Variants in MAP2K1 observed in about 807,000 individuals in gnomAD.
The protein encoded by MAP2K1 is dual specificity mitogen-activated protein kinase kinase 1.
In MAP2K1, 16 loss-of-function variants were observed where a neutral mutation model predicts 46.3. The observed-to-expected ratio is 0.35, with a 90% CI of 0.23 to 0.52. The LOEUF (loss-of-function observed/expected upper bound fraction) is 0.52. Among genes scored for constraint, MAP2K1 ranks in the 20% least tolerant of loss-of-function variants. MAP2K1 has a pLI of 0.94. For synonymous variants in MAP2K1, 183 were observed against 185.6 expected (o/e 0.99, Z 0.11); for missense variants, 263 against 497.1 (o/e 0.53, Z 4.48).
At chr15:66,445,633 T>C (rs1449855612) in intron 5 of MAP2K1, among the ~76,000 whole-genome samples, 1 of 152,190 alleles carries the variant, frequency 6.6e-6, no homozygotes, top group Non-Finnish European at 1.5e-5. Context: ...AACAGAATAC[T>C]CTTCAACAAT....
chr15:66,490,250 C>T (rs1458040407), intron 10 of MAP2K1: 1 of 622,816 alleles, frequency 1.6e-6, no homozygotes, highest in African/African-American at 1.8e-5. Flanking sequence ...GCATTTAAGG[C>T]AGAGTTACTG....
intron 6 of MAP2K1, among the ~76,000 whole-genome samples, chr15:66,483,709 A>G (rs530048111): frequency 1.8e-4 from 27 of 150,368 alleles, no homozygotes; most frequent in East Asian, 9.8e-4. Flanking sequence ...ATATCAACCA[A>G]TATTTGTATT....
chr15:66,429,682 C>CA (rs2093470057), intron 1 of MAP2K1, among the ~76,000 whole-genome samples: 1 of 122,764 alleles, frequency 8.1e-6, no homozygotes, highest in Non-Finnish European at 1.8e-5. Flanking sequence ...CCCCCCCGTC[C>CA]CCCCCAACAC....
chr15:66,428,271 C>CGTGTGTGT lies in MAP2K1; in HGVS notation c.81-6709_81-6702dup, dbSNP rs67373670. 2.5e-3 allele frequency among the ~76,000 whole-genome samples: 306 copies of CGTGTGTGT among 122,366 alleles called. 3 individuals carry two copies. Among genetic ancestry groups the CGTGTGTGT allele is most frequent in the Non-Finnish European group, 3.3e-3 (193 of 59,062 alleles). 80.3% of individuals were successfully genotyped at this position (122,366 alleles called of 152,430 possible). A position where few individuals can be genotyped will look rare whatever the true frequency, so the allele number is the denominator to read the frequency against. ...AGAAACAGAACCAACAGCAGTTGTG[C>CGTGTGTGT]GTGTGTGTGTGTGTGTGTGTGTGTG... On this transcript the variant is annotated intron_variant, in intron 1 of 10. Coordinates refer to ENST00000307102, the MANE Select transcript of MAP2K1 (RefSeq NM_002755.4).
intron 5 of MAP2K1, chr15:66,453,562 G>T: frequency 4.3e-6 from 3 of 702,316 alleles, no homozygotes; most frequent in Non-Finnish European, 7.8e-6. Context: ...GTGATTCCTG[G>T]AAACCTGAGT....
chr15:66,446,219 A>AAAAC lies in MAP2K1; in HGVS notation c.568+1528_568+1531dup, dbSNP rs796892722. Among the ~76,000 whole-genome samples, 4 of 151,826 alleles carry AAAAC rather than the reference A, an allele frequency of 2.6e-5. No homozygotes were observed. In the East Asian group the frequency reaches 7.7e-4, roughly 29 times the overall value. ...TGGGTGACGAGCAAGACTCCGTCTCAAAACAAACAAACAAACAAAAAACAT... is the reference window on the plus strand; with the variant it reads ...TGGGTGACGAGCAAGACTCCGTCTCAAAACAAACAAACAAACAAACAAAAAACAT... On this transcript the variant is annotated intron_variant, in intron 5 of 10. Coordinates refer to ENST00000307102, the MANE Select transcript of MAP2K1 (RefSeq NM_002755.4).
intron 5 of MAP2K1, among the ~76,000 whole-genome samples, chr15:66,481,523 T>C (rs1005474025): frequency 6.6e-6 from 1 of 152,226 alleles, no homozygotes; most frequent in Non-Finnish European, 1.5e-5. Flanking sequence ...CGACTGTCTT[T>C]CTGTTCTACT....
At chr15:66,476,249 T>C (rs1203076547) in intron 5 of MAP2K1, among the ~76,000 whole-genome samples, 1 of 152,158 alleles carries the variant, frequency 6.6e-6, no homozygotes, top group South Asian at 2.1e-4. Context: ...AGCCAGCTGC[T>C]GGGGACCCTC....
At chr15:66,470,893 A>G (rs570879089) in intron 5 of MAP2K1, among the ~76,000 whole-genome samples, 1 of 152,284 alleles carries the variant, frequency 6.6e-6, no homozygotes, top group South Asian at 2.1e-4. Flanking sequence ...GGTTGGTTTT[A>G]TACATTTTAG....
At chr15:66,402,471 C>G (rs946222973) in intron 1 of MAP2K1, among the ~76,000 whole-genome samples, 2 of 152,116 alleles carry the variant, frequency 1.3e-5, no homozygotes, top group Admixed American at 6.5e-5. Flanking sequence ...CCCACTCTTA[C>G]GTAGTTTTGA....
At chr15:66,466,427 AC>A (rs1187129307) in intron 5 of MAP2K1, among the ~76,000 whole-genome samples, 1 of 151,720 alleles carries the variant, frequency 6.6e-6, no homozygotes, top group East Asian at 1.9e-4. Flanking sequence ...GCCTGTAATC[AC>A]AGCACTTTCG....
At chr15:66,429,454 A>G (rs910372900) in intron 1 of MAP2K1, among the ~76,000 whole-genome samples, 2 of 152,210 alleles carry the variant, frequency 1.3e-5, no homozygotes, top group Non-Finnish European at 2.9e-5. Flanking sequence ...GTGGGAACGC[A>G]GAGCCAAACC....
At chr15:66,440,429 A>G (rs1352232995) in intron 3 of MAP2K1, among the ~76,000 whole-genome samples, 1 of 152,202 alleles carries the variant, frequency 6.6e-6, no homozygotes, top group Non-Finnish European at 1.5e-5. Context: ...TGTCATCAGC[A>G]TTGGTTGAGC....
intron 6 of MAP2K1, among the ~76,000 whole-genome samples, chr15:66,484,439 C>T (rs568116684): frequency 2.0e-5 from 3 of 152,152 alleles, no homozygotes; most frequent in Non-Finnish European, 2.9e-5. Context: ...TGAGCCACTG[C>T]GTCCCGGCCC....
At position 66,457,318 on chromosome 15, in the gene MAP2K1, C is replaced by T. The variant is rs572376531; in HGVS notation, c.568+12611C>T. On this transcript the variant is annotated intron_variant, in intron 5 of 10. Transcript: ENST00000307102. ...TATTTCTAGTAGAGACGGGGTTTCC[C>T]TATGTTGCCCAGCCTGATCTCAAAC... Among the ~76,000 whole-genome samples the T allele has an allele frequency of 2.6e-5, 4 of 152,228 alleles. No homozygotes were observed. The South Asian group carries it at 8.3e-4, about 32-fold the overall frequency.
intron 1 of MAP2K1, among the ~76,000 whole-genome samples, chr15:66,425,750 G>T (rs1403278315): frequency 6.6e-6 from 1 of 152,222 alleles, no homozygotes; most frequent in East Asian, 1.9e-4. Context: ...TGGGTTTTCT[G>T]TAACAATATC....
chr15:66,489,782 G>A lies in MAP2K1; in HGVS notation c.1068+19G>A, dbSNP rs188235318. 86 of 1,600,234 alleles carry A rather than the reference G, an allele frequency of 5.4e-5. No individual in the cohort carries two copies. The African/African-American group carries it at 8.4e-4, about 16-fold the overall frequency. On this transcript the variant is annotated intron_variant, in intron 10 of 10. Transcript: ENST00000307102. ...ACTCATGGTGAGTCTATTTATTCCG[G>A]ATTCTTACAGTACCTGTTTATTCAT...
intron 1 of MAP2K1, among the ~76,000 whole-genome samples, chr15:66,425,943 T>G (rs2093457215): frequency 6.6e-6 from 1 of 152,184 alleles, no homozygotes; most frequent in Non-Finnish European, 1.5e-5. Flanking sequence ...GGGGAAAGAC[T>G]TTTCTCTCAG....
intron 5 of MAP2K1, among the ~76,000 whole-genome samples, chr15:66,476,538 C>T (rs926999004): frequency 1.3e-5 from 2 of 152,158 alleles, no homozygotes; most frequent in Non-Finnish European, 2.9e-5. Context: ...CAAGAGAAGG[C>T]GAGACTCTTA....
Sources: allele counts gnomAD v4.1 joint callset (sites outside exome capture counted in the v4.1 genomes callset), GRCh38; gene constraint gnomAD v4.1.1; transcripts MANE v1.5; gene names NCBI Gene and HGNC (gene_info 2026-07-23, HGNC 2026-07-21).